Variants in AK9 observed in about 807,000 individuals in gnomAD.
The protein encoded by AK9 is adenylate kinase 9.
AK9 carries 191 observed loss-of-function variants against 239.6 expected under a neutral mutation model. That is an observed-to-expected ratio of 0.80 (90% CI 0.71 to 0.90). AK9 has a LOEUF of 0.90. Among genes scored for constraint, AK9 ranks in the 40% least tolerant of loss-of-function variants. The probability of loss-of-function intolerance (pLI) is 0.00; values close to 1 mark genes in which losing one functional copy is unlikely to be tolerated. For missense variants in AK9, 1,995 were observed against 2,214.7 expected, an observed-to-expected ratio of 0.90 and a Z score of 1.99; for synonymous variants, 689 against 721.0, an observed-to-expected ratio of 0.96 and a Z score of 0.71.
intron 25 of AK9, among the ~76,000 whole-genome samples, chr6:109,546,924 G>A (rs1372328366): frequency 6.6e-6 from 1 of 152,134 alleles, no homozygotes; most frequent in Non-Finnish European, 1.5e-5. Context: ...GGTAGGGAAG[G>A]GAAATGTTTC....
chr6:109,611,155 C>A (rs1169806942), intron 16 of AK9, among the ~76,000 whole-genome samples: 2 of 152,174 alleles, frequency 1.3e-5, no homozygotes, highest in African/African-American at 2.4e-5. Context: ...TGAGCCTCTG[C>A]CTCAGGGCTC....
Position 109,656,806 on chromosome 6 carries a change from C to T in AK9, c.709G>A (p.Val237Ile), listed in dbSNP as rs1421380268. ...VQRPEDYLEN[V>I]ENIVKLYKET... The stretch of plus-strand genomic sequence containing the variant: ...TTATAAAGCTTAACAATGTTTTCAA[C>T]ATTTTCCAAATAATCTTCAGGCCTC... Residue 237 changes from valine (V) to isoleucine (I), a missense_variant, in exon 8 of 41, where the codon GTT becomes ATT. Transcript: ENST00000424296. 1 of 1,609,874 alleles carries T rather than the reference C, an allele frequency of 6.2e-7. No homozygotes were observed. The highest frequency in any genetic ancestry group is 8.5e-7 in the Non-Finnish European group (1 of 1,176,656).
intron 29 of AK9, among the ~76,000 whole-genome samples, chr6:109,517,855 T>A (rs972189215): frequency 6.6e-6 from 1 of 152,128 alleles, no homozygotes; most frequent in Non-Finnish European, 1.5e-5. Context: ...CCTATAATAA[T>A]CATCCTCTGC....
intron 6 of AK9, among the ~76,000 whole-genome samples, chr6:109,660,267 A>G (rs1159928347): frequency 6.6e-6 from 1 of 152,192 alleles, no homozygotes; most frequent in East Asian, 1.9e-4. Context: ...AGGATAAAAA[A>G]AAATCTGGAT....
At chr6:109,572,230 G>A (rs1787505457) in intron 21 of AK9, among the ~76,000 whole-genome samples, 1 of 152,126 alleles carries the variant, frequency 6.6e-6, no homozygotes, top group South Asian at 2.1e-4. Context: ...GATACTGTTG[G>A]TTGGCTCCCT....
intron 10 of AK9, among the ~76,000 whole-genome samples, chr6:109,638,474 GTTT>G (rs1562530669): frequency 6.6e-6 from 1 of 152,022 alleles, no homozygotes; most frequent in Non-Finnish European, 1.5e-5. Flanking sequence ...ATATGTTTTT[GTTT>G]TTTATTTTAT....
At chr6:109,526,846 A>G (rs34928881) in intron 29 of AK9, among the ~76,000 whole-genome samples, 52,472 of 151,880 alleles carry the variant, frequency 0.35, 9,518 homozygotes, top group South Asian at 0.44. Context: ...CTGTGTATCA[A>G]CCTTTGGGTC....
chr6:109,629,418 C>G (rs896613932), intron 12 of AK9, among the ~76,000 whole-genome samples: 4 of 152,034 alleles, frequency 2.6e-5, no homozygotes, highest in African/African-American at 4.8e-5. Context: ...ATTGGTGATA[C>G]ACATTTGTTT....
intron 1 of AK9, 97 bp downstream of exon 1, chr6:109,691,050 C>T (rs1038730052): frequency 1.0e-5 from 3 of 298,488 alleles, no homozygotes; most frequent in African/African-American, 4.2e-5. Context: ...CTACCCAATC[C>T]CAAACCTTCC....
Position 109,511,906 on chromosome 6 carries a change from G to A in AK9, c.4279+2318C>T, listed in dbSNP as rs1251057432. Among the ~76,000 whole-genome samples, 4 of 152,098 alleles carry A rather than the reference G, an allele frequency of 2.6e-5. No homozygotes were observed. The East Asian group carries it at 7.7e-4, about 29-fold the overall frequency. On this transcript the variant is annotated intron_variant, in intron 32 of 40. Coordinates refer to ENST00000424296, the MANE Select transcript of AK9 (RefSeq NM_001145128.3). ...ATGTTCACCTTGTGCTCTGGATGTG[G>A]GATCTTATTTTGCATGTCAACGTTC...
chr6:109,529,218 TC>T, intron 28 of AK9, 145 bp from the exon 29 acceptor site: 1 of 932,330 alleles, frequency 1.1e-6, no homozygotes, highest in Non-Finnish European at 1.5e-6. Context: ...ATGGCGGTAA[TC>T]ATGTTGCTTG....
intron 29 of AK9, chr6:109,528,317 T>C: frequency 2.8e-6 from 1 of 354,630 alleles, no homozygotes; most frequent in Non-Finnish European, 5.6e-6. Context: ...ACATGTTTGA[T>C]GAGAGAAATG....
At position 109,497,537 on chromosome 6, in the gene AK9, A is replaced by G; in HGVS notation, c.5243T>C (p.Ile1748Thr). 6.2e-7 allele frequency: 1 copy of G among 1,608,578 alleles called. No homozygotes were observed. Among genetic ancestry groups the G allele is most frequent in the Non-Finnish European group, 8.5e-7 (1 of 1,175,386 alleles). ...ATTATGATATTCTAAAGCATAGTTAATGCTACCAGGTACTAGAGCTTCATA... is the reference window on the plus strand; with the variant it reads ...ATTATGATATTCTAAAGCATAGTTAGTGCTACCAGGTACTAGAGCTTCATA... ...QRYEALVPGS[I>T]NYALEYHNRI... The change falls in exon 38 of 41, where the codon ATT (isoleucine) becomes ACT (threonine). Residue 1748 changes from isoleucine to threonine, a missense_variant. Ile to Thr is a moderately conservative substitution (Grantham distance 89, BLOSUM62 -1). Coordinates refer to ENST00000424296, the MANE Select transcript of AK9 (RefSeq NM_001145128.3).
rs1793674792 is a variant in AK9 at position 109,612,336 on chromosome 6, C to G, written c.1610-243G>C. On this transcript the variant is annotated intron_variant, in intron 15 of 40. Transcript: ENST00000424296. ...ATGGATCTAAATAGAAAAAAACAAT[C>G]AACAGTGCCCTTCCTGAGGCAACTA... Among the ~76,000 whole-genome samples the G allele has an allele frequency of 2.0e-5, 3 of 152,212 alleles. No individual in the cohort carries two copies. In the South Asian group the frequency reaches 6.2e-4, roughly 32 times the overall value.
At chr6:109,585,011 T>C in intron 19 of AK9, 112 bp downstream of exon 19, 1 of 751,228 alleles carries the variant, frequency 1.3e-6, no homozygotes, top group African/African-American at 1.9e-5. Context: ...CAGATCAAGA[T>C]AATAAATTAT....
At chr6:109,547,539 C>T (rs1247798431) in intron 25 of AK9, among the ~76,000 whole-genome samples, 1 of 152,022 alleles carries the variant, frequency 6.6e-6, no homozygotes, top group Non-Finnish European at 1.5e-5. Flanking sequence ...ATACAGAAAT[C>T]AACTCAAAAT....
At chr6:109,652,850 A>G (rs191359337) in intron 8 of AK9, among the ~76,000 whole-genome samples, 2 of 152,330 alleles carry the variant, frequency 1.3e-5, no homozygotes, top group Admixed American at 1.3e-4. Context: ...ATATGCACAC[A>G]TATAAATGTT....
intron 1 of AK9, among the ~76,000 whole-genome samples, chr6:109,677,082 C>T (rs829817): frequency 0.29 from 43,348 of 151,786 alleles, 6,680 homozygotes; most frequent in Non-Finnish European, 0.34. Flanking sequence ...GATACTAAGG[C>T]CTACTTGAGG....
At chr6:109,664,357 T>C (rs1442541473) in intron 5 of AK9, among the ~76,000 whole-genome samples, 1 of 152,196 alleles carries the variant, frequency 6.6e-6, no homozygotes, top group Admixed American at 6.5e-5. Context: ...AGTGAATGAA[T>C]GTGTGTAAAA....
Sources: allele counts gnomAD v4.1 joint callset (sites outside exome capture counted in the v4.1 genomes callset), GRCh38; gene constraint gnomAD v4.1.1; transcripts MANE v1.5; gene names NCBI Gene and HGNC (gene_info 2026-07-23, HGNC 2026-07-21).